The following SNTG1 variants were observed in gnomAD, a reference collection of about 807,000 sequenced individuals.
SNTG1 encodes syntrophin gamma 1.
In SNTG1, 39 loss-of-function variants were observed where a neutral mutation model predicts 74.7. The observed-to-expected ratio is 0.52, with a 90% confidence interval of 0.40 to 0.68. The LOEUF (loss-of-function observed/expected upper bound fraction) is 0.68, where lower values mean the gene tolerates loss of function less well. SNTG1 is among the 30% of genes least tolerant of loss of function. SNTG1 has a pLI of 0.00. For missense variants in SNTG1, 685 were observed against 609.5 expected, an observed-to-expected ratio of 1.12 and a Z score of -1.30; for synonymous variants, 254 against 217.1, an observed-to-expected ratio of 1.17 and a Z score of -1.49.
intron 1 of SNTG1, among the ~76,000 whole-genome samples, chr8:50,134,323 AGCTGGAGATC>A: frequency 6.6e-6 from 1 of 152,332 alleles, no homozygotes; most frequent in Middle Eastern, 3.4e-3. Context: ...GGAGAATGAA[AGCTGGAGATC>A]GCCAATGCCT....
chr8:50,426,721 G>T (rs2093168043), intron 4 of SNTG1, among the ~76,000 whole-genome samples: 10 of 151,956 alleles, frequency 6.6e-5, no homozygotes, highest in Admixed American at 5.3e-4. Flanking sequence ...TTATAAAGTA[G>T]TGTGCTATCA....
chr8:50,539,535 C>T (rs2094331442), intron 11 of SNTG1, among the ~76,000 whole-genome samples: 1 of 152,154 alleles, frequency 6.6e-6, no homozygotes, highest in Admixed American at 6.5e-5. Context: ...CAACTAGCTC[C>T]ACCTCCCACC....
intron 2 of SNTG1, among the ~76,000 whole-genome samples, chr8:50,285,196 T>C (rs781617419): frequency 1.3e-5 from 2 of 152,212 alleles, no homozygotes; most frequent in East Asian, 1.9e-4. Flanking sequence ...TCTCAGAACA[T>C]TTGTCATTTT....
chr8:50,200,344 T>A (rs1228980610), intron 2 of SNTG1, among the ~76,000 whole-genome samples: 5 of 152,162 alleles, frequency 3.3e-5, no homozygotes, highest in Non-Finnish European at 7.4e-5. Flanking sequence ...TCCTGAAGAC[T>A]ATGACATCAG....
intron 1 of SNTG1, among the ~76,000 whole-genome samples, chr8:50,019,120 A>G (rs916331532): frequency 6.6e-6 from 1 of 151,994 alleles, no homozygotes; most frequent in East Asian, 1.9e-4. Context: ...TTATTTTGTA[A>G]TTGATGAGAA....
chr8:50,506,296 T>C (rs1342545355), intron 9 of SNTG1, among the ~76,000 whole-genome samples: 2 of 152,078 alleles, frequency 1.3e-5, no homozygotes, highest in Non-Finnish European at 2.9e-5. Flanking sequence ...CCAGCTCTGT[T>C]TTTCTTTCTC....
intron 17 of SNTG1, among the ~76,000 whole-genome samples, chr8:50,726,655 C>T (rs1042226500): frequency 6.6e-6 from 1 of 152,150 alleles, no homozygotes; most frequent in Non-Finnish European, 1.5e-5. Context: ...CGAGACCAGC[C>T]TGGCTAACAC....
intron 1 of SNTG1, among the ~76,000 whole-genome samples, chr8:49,987,449 C>A (rs1393297756): frequency 4.6e-5 from 7 of 152,196 alleles, no homozygotes; most frequent in African/African-American, 1.7e-4. Flanking sequence ...GGGGTCACAA[C>A]AACCTCAAAA....
At chr8:50,178,407 G>A (rs573010710) in intron 2 of SNTG1, among the ~76,000 whole-genome samples, 25 of 148,922 alleles carry the variant, frequency 1.7e-4, no homozygotes, top group Admixed American at 5.4e-4. Flanking sequence ...ACACGTGCGC[G>A]CGCACACACA....
chr8:50,564,129 T>A (rs546771547), intron 12 of SNTG1, among the ~76,000 whole-genome samples: 1 of 151,588 alleles, frequency 6.6e-6, no homozygotes, highest in Non-Finnish European at 1.5e-5. Flanking sequence ...TTTTTTTTTT[T>A]TAAAATAGAA....
chr8:50,550,280 C>T (rs1437980479), intron 11 of SNTG1, among the ~76,000 whole-genome samples: 1 of 152,144 alleles, frequency 6.6e-6, no homozygotes, highest in Non-Finnish European at 1.5e-5. Flanking sequence ...GCTTCCAGAA[C>T]TCATGCTCAT....
At chr8:50,090,914 T>C (rs2079707909) in intron 1 of SNTG1, among the ~76,000 whole-genome samples, 2 of 152,168 alleles carry the variant, frequency 1.3e-5, no homozygotes, top group Non-Finnish European at 2.9e-5. Context: ...GGGGCCCTTG[T>C]TAAAATTATG....
chr8:50,568,200 G>A lies in SNTG1; in HGVS notation c.810+15021G>A, dbSNP rs1344701715. Among the ~76,000 whole-genome samples, 4 of 134,690 alleles carry A rather than the reference G, an allele frequency of 3.0e-5. No individual in the cohort carries two copies. The South Asian group carries it at 7.0e-4, about 23-fold the overall frequency. 88.4% of individuals were successfully genotyped at this position (134,690 alleles called of 152,430 possible). A position where few individuals can be genotyped will look rare whatever the true frequency, so the allele number is the denominator to read the frequency against. ...ATGTCAGGATTTCATTATTTTTAAT[G>A]GCTGAATAGTATTCCATTGTCCATG... On this transcript the variant is annotated intron_variant, in intron 12 of 18. Coordinates refer to ENST00000642720, the MANE Select transcript of SNTG1 (RefSeq NM_018967.5).
At chr8:50,033,622 T>C (rs886527824) in intron 1 of SNTG1, among the ~76,000 whole-genome samples, 3 of 152,152 alleles carry the variant, frequency 2.0e-5, no homozygotes, top group African/African-American at 7.2e-5. Flanking sequence ...GGATTGTAGA[T>C]GGCTGCTTTC....
intron 4 of SNTG1, among the ~76,000 whole-genome samples, chr8:50,434,719 A>C (rs1478285926): frequency 2.0e-5 from 3 of 152,116 alleles, no homozygotes; most frequent in Non-Finnish European, 4.4e-5. Context: ...ATGTACACAT[A>C]GTAGATTTTT....
chr8:50,228,314 C>G (rs934222354), intron 2 of SNTG1, among the ~76,000 whole-genome samples: 1 of 151,822 alleles, frequency 6.6e-6, no homozygotes, highest in African/African-American at 2.4e-5. Flanking sequence ...CTATTACATA[C>G]AGGTATGTGG....
intron 2 of SNTG1, among the ~76,000 whole-genome samples, chr8:50,320,807 G>A (rs976286092): frequency 1.3e-5 from 2 of 151,080 alleles, no homozygotes; most frequent in African/African-American, 4.9e-5. Flanking sequence ...TCATTTTCGT[G>A]TGTTTGTATA....
chr8:49,975,123 T>A (rs1478597800), intron 1 of SNTG1, among the ~76,000 whole-genome samples: 1 of 152,098 alleles, frequency 6.6e-6, no homozygotes, highest in African/African-American at 2.4e-5. Flanking sequence ...GACCTAGAGG[T>A]GGCTATGGGC....
chr8:50,359,524 AT>A (rs1179711301), intron 2 of SNTG1, among the ~76,000 whole-genome samples: 35 of 152,308 alleles, frequency 2.3e-4, no homozygotes, highest in Non-Finnish European at 4.9e-4. Context: ...TCCCAATGTG[AT>A]AATATTTTTC....
Sources: gnomAD v4.1 joint callset for allele counts (sites outside exome capture counted in the v4.1 genomes callset) on GRCh38, gnomAD v4.1.1 for gene constraint, MANE v1.5 for transcripts, NCBI Gene and HGNC (gene_info 2026-07-23, HGNC 2026-07-21) for gene names.